FARP1: variants seen among roughly 807,000 people sequenced by gnomAD.
FARP1 encodes the protein FERM, ARH/RhoGEF and pleckstrin domain protein 1.
FARP1 carries 52 observed loss-of-function variants against 128.8 expected under a neutral mutation model. That is an observed-to-expected ratio of 0.40 (90% CI 0.32 to 0.51). The LOEUF is 0.51. FARP1 is among the 20% of genes least tolerant of loss of function. The pLI is 0.45. For synonymous variants in FARP1, 580 were observed against 551.8 expected (o/e 1.05, Z -0.72); for missense variants, 1,333 against 1,367.9 (o/e 0.97, Z 0.40).
intron 3 of FARP1, among the ~76,000 whole-genome samples, chr13:98,358,792 C>T (rs573466704): frequency 9.2e-5 from 14 of 152,032 alleles, no homozygotes; most frequent in South Asian, 2.1e-4. Flanking sequence ...CCTGCCACCA[C>T]GCCCGGCTAA....
intron 2 of FARP1, among the ~76,000 whole-genome samples, chr13:98,317,323 G>C (rs997888202): frequency 6.6e-6 from 1 of 152,068 alleles, no homozygotes; most frequent in Non-Finnish European, 1.5e-5. Context: ...GCAGTGGTAC[G>C]ATCATAGCTT....
At chr13:98,293,632 C>A (rs1341629281) in intron 2 of FARP1, among the ~76,000 whole-genome samples, 1 of 152,112 alleles carries the variant, frequency 6.6e-6, no homozygotes. Context: ...TGTAAGGAAT[C>A]GAAATTTCCA....
At chr13:98,311,380 G>C (rs1380240729) in intron 2 of FARP1, among the ~76,000 whole-genome samples, 3 of 152,192 alleles carry the variant, frequency 2.0e-5, no homozygotes. Context: ...AGTACTAGCA[G>C]GTCTGTGTGT....
chr13:98,244,489 A>G (rs1882951237), intron 2 of FARP1: 1 of 1,613,924 alleles, frequency 6.2e-7, no homozygotes, highest in Admixed American at 1.7e-5. Flanking sequence ...CTCTCTTCCC[A>G]GATGGTGTCC....
At chr13:98,363,462 G>C (rs530599001) in intron 3 of FARP1, among the ~76,000 whole-genome samples, 20 of 152,302 alleles carry the variant, frequency 1.3e-4, no homozygotes, top group Admixed American at 9.2e-4. Context: ...CCAGTCCTTA[G>C]AGCTAGCAGG....
chr13:98,200,530 C>T (rs1879874397), intron 1 of FARP1, among the ~76,000 whole-genome samples: 1 of 152,132 alleles, frequency 6.6e-6, no homozygotes, highest in South Asian at 2.1e-4. Flanking sequence ...TAGGCTTTCT[C>T]TCCATCTTTT....
chr13:98,204,068 G>A (rs1274691023), intron 1 of FARP1: 3 of 152,226 alleles, frequency 2.0e-5, no homozygotes, highest in Admixed American at 6.5e-5. Context: ...GAGTGGTGAG[G>A]GAGGAAAGGA....
At chr13:98,416,644 G>C (rs758779866) in intron 16 of FARP1, among the ~76,000 whole-genome samples, 3 of 152,242 alleles carry the variant, frequency 2.0e-5, no homozygotes, top group Admixed American at 2.0e-4. Context: ...TTACTCAGCT[G>C]TTCAAATGAG....
In FARP1 at chr13:98,295,096, CACACACACAT is replaced by C. The variant is rs1251397111; in HGVS notation, c.172-48664_172-48655del. 5.9e-3 allele frequency among the ~76,000 whole-genome samples: 183 copies of C among 30,878 alleles called. 3 individuals are homozygous for C. Among genetic ancestry groups the C allele is most frequent in the African/African-American group, 0.013 (105 of 8,258 alleles). 20.3% of individuals were successfully genotyped at this position (30,878 alleles called of 152,430 possible). A position where few individuals can be genotyped will look rare whatever the true frequency, so the allele number is the denominator to read the frequency against. ...ACACACACACACACACACACACACA[CACACACACAT>C]ATATCCCCAGGCATTATTTATTTAT... On this transcript the variant is annotated intron_variant, in intron 2 of 26. Coordinates refer to ENST00000319562, the MANE Select transcript of FARP1 (RefSeq NM_005766.4).
At chr13:98,287,495 C>CG (rs1211146703) in intron 2 of FARP1, among the ~76,000 whole-genome samples, 2 of 151,688 alleles carry the variant, frequency 1.3e-5, no homozygotes, top group Non-Finnish European at 2.9e-5. Flanking sequence ...TCCCAAAGTG[C>CG]GGGATTACAG....
chr13:98,178,719 T>C (rs1173543068), intron 1 of FARP1, among the ~76,000 whole-genome samples: 1 of 152,182 alleles, frequency 6.6e-6, no homozygotes, highest in Non-Finnish European at 1.5e-5. Flanking sequence ...TGCTGTGGGA[T>C]GAGGGAGAAG....
At chr13:98,267,815 C>CTCT (rs386380371) in intron 2 of FARP1, among the ~76,000 whole-genome samples, 1 of 113,534 alleles carries the variant, frequency 8.8e-6, no homozygotes, top group Non-Finnish European at 1.8e-5. Flanking sequence ...TGTCTGACTG[C>CTCT]TGTCTACTCA....
intron 1 of FARP1, among the ~76,000 whole-genome samples, chr13:98,160,144 G>A (rs1321754834): frequency 1.3e-5 from 2 of 152,224 alleles, no homozygotes; most frequent in African/African-American, 2.4e-5. Flanking sequence ...GCCTGTGAGA[G>A]TCACTGTGGC....
intron 2 of FARP1, among the ~76,000 whole-genome samples, chr13:98,226,656 T>G (rs971579006): frequency 6.6e-6 from 1 of 152,200 alleles, no homozygotes; most frequent in African/African-American, 2.4e-5. Context: ...CATAATGTAG[T>G]CTGGGACATT....
intron 11 of FARP1, among the ~76,000 whole-genome samples, chr13:98,392,323 C>CCA (rs551215820): frequency 1.7e-5 from 1 of 60,410 alleles, no homozygotes; most frequent in East Asian, 3.8e-4. Flanking sequence ...CATCTCTACC[C>CCA]AAAAAAAAAA....
At position 98,412,156 on chromosome 13, in the gene FARP1, C is replaced by A. The variant is rs60437274; in HGVS notation, c.1826+122C>A. 1,734 of 878,404 alleles carry A rather than the reference C, an allele frequency of 2.0e-3. 17 individuals carry two copies. In the African/African-American group the frequency reaches 0.024, roughly 12 times the overall value. 54.4% of individuals were successfully genotyped at this position (878,404 alleles called of 1,614,324 possible). ...TGAAAGGCAGGAAACTGGCTTACAA[C>A]AAGTCAGCCTTCAAATGATTTTCAG... On this transcript the variant is annotated intron_variant, in intron 16 of 26. Coordinates refer to ENST00000319562, the MANE Select transcript of FARP1 (RefSeq NM_005766.4).
At chr13:98,374,997 T>C (rs894246155) in intron 5 of FARP1, among the ~76,000 whole-genome samples, 21 of 152,204 alleles carry the variant, frequency 1.4e-4, no homozygotes, top group Admixed American at 1.2e-3. Flanking sequence ...GGGATCTGCC[T>C]TGACAACCCA....
At chr13:98,308,519 C>CA (rs1886295282) in intron 2 of FARP1, among the ~76,000 whole-genome samples, 1 of 152,182 alleles carries the variant, frequency 6.6e-6, no homozygotes, top group Non-Finnish European at 1.5e-5. Context: ...GAGCCACATG[C>CA]ACTGGACGGC....
At chr13:98,203,337 G>A (rs149530156) in intron 1 of FARP1, among the ~76,000 whole-genome samples, 1 of 152,296 alleles carries the variant, frequency 6.6e-6, no homozygotes, top group African/African-American at 2.4e-5. Context: ...CCATCACCAC[G>A]GTCCAGTTTC....
Sources: gnomAD v4.1 joint callset for allele counts (sites outside exome capture counted in the v4.1 genomes callset) on GRCh38, gnomAD v4.1.1 for gene constraint, MANE v1.5 for transcripts, NCBI Gene and HGNC (gene_info 2026-07-23, HGNC 2026-07-21) for gene names.